The following ZZEF1 variants were observed in gnomAD, a reference collection of about 807,000 sequenced individuals.
ZZEF1 encodes zinc finger ZZ-type and EF-hand domain-containing protein 1.
A neutral mutation model predicts 342.8 loss-of-function variants in ZZEF1; 157 were observed. That is an observed-to-expected ratio of 0.46 (90% confidence interval 0.40 to 0.52). The LOEUF (loss-of-function observed/expected upper bound fraction) is 0.52, where lower values mean the gene tolerates loss of function less well. Among genes scored for constraint, ZZEF1 ranks in the 20% least tolerant of loss-of-function variants. ZZEF1 has a pLI of 0.00. For synonymous variants in ZZEF1, 1,505 were observed against 1,429.1 expected, an observed-to-expected ratio of 1.05 and a Z score of -1.20; for missense variants, 3,480 against 3,725.6, an observed-to-expected ratio of 0.93 and a Z score of 1.72.
intron 1 of ZZEF1, among the ~76,000 whole-genome samples, chr17:4,140,467 C>G (rs1480079363): frequency 6.6e-6 from 1 of 152,190 alleles, no homozygotes; most frequent in African/African-American, 2.4e-5. Context: ...TTAACACTCA[C>G]CATATCTTAT....
rs746628036 is a variant in ZZEF1 at position 4,014,166 on chromosome 17, G to T, written c.8337C>A (p.Phe2779Leu). The change falls in exon 51 of 55, where the codon TTC (phenylalanine) becomes TTA (leucine). Residue 2779 changes from phenylalanine to leucine, a missense_variant. Phe to Leu is a conservative substitution (Grantham distance 22). This residue lies in a region of ZZEF1 where 1,269 missense variants were observed against 1,342.4 expected (regional missense o/e 0.95). Transcript: ENST00000381638. This position sits in a 1 kb window ranked among gnomAD's most constrained non-coding sequence, Gnocchi z 4.4. Reference sequence around the variant, plus strand: ...ACTCGGTGTTGCTCATGTCGGAGGTGAAGCGGTAATACAGAGTGTCTCCTA... The same window carrying T: ...ACTCGGTGTTGCTCATGTCGGAGGTTAAGCGGTAATACAGAGTGTCTCCTA... ...ELPGDTLYYR[F>L]TSDMSNTEWG... 6.2e-7 allele frequency: 1 copy of T among 1,614,178 alleles called. No homozygotes were observed. Among genetic ancestry groups the T allele is most frequent in the Non-Finnish European group, 8.5e-7 (1 of 1,180,046 alleles).
rs953786830 is a variant in ZZEF1, at chr17:4,095,310, C to T, written c.1913+521G>A. On this transcript the variant is annotated intron_variant, in intron 11 of 54. Transcript: ENST00000381638. ...AGGGCCGCTCTGCCCTGTGTCCCCA[C>T]AGCGCCCTTTCTCCCCTACAGCACA... 3.3e-5 allele frequency among the ~76,000 whole-genome samples: 5 copies of T among 152,238 alleles called. No individual in the cohort carries two copies. The East Asian group carries it at 9.6e-4, about 29-fold the overall frequency.
intron 1 of ZZEF1, among the ~76,000 whole-genome samples, chr17:4,134,676 TA>T (rs1279501796): frequency 5.3e-5 from 8 of 152,092 alleles, no homozygotes; most frequent in Non-Finnish European, 1.0e-4. Flanking sequence ...ACAGAGAGGT[TA>T]TTTTTTTTAA....
In ZZEF1 at chr17:4,070,934, A is replaced by C; in HGVS notation, c.3835-10T>G. On this transcript the variant is annotated splice_polypyrimidine_tract_variant and intron_variant, in intron 25 of 54. Transcript: ENST00000381638. ...CAGGAATGTTCTTAACCTGGAAACAAAAAATAAACCCATCACATTTAACAC... is the reference window on the plus strand; with the variant it reads ...CAGGAATGTTCTTAACCTGGAAACACAAAATAAACCCATCACATTTAACAC... 10 of 1,607,494 alleles carry C rather than the reference A, an allele frequency of 6.2e-6. No individual in the cohort carries two copies. Among genetic ancestry groups the C allele is most frequent in the Non-Finnish European group, 8.5e-6 (10 of 1,177,498 alleles).
intron 5 of ZZEF1, 38 bp downstream of exon 5, chr17:4,112,571 C>T: frequency 6.2e-7 from 1 of 1,607,958 alleles, no homozygotes; most frequent in Non-Finnish European, 8.5e-7. Flanking sequence ...ATACTACTCC[C>T]TTGCTTTTCC....
At chr17:4,029,440 A>G (rs1387016362) in intron 42 of ZZEF1, among the ~76,000 whole-genome samples, 1 of 152,136 alleles carries the variant, frequency 6.6e-6, no homozygotes. Flanking sequence ...AAATGACAAT[A>G]TATCATAAAA....
intron 1 of ZZEF1, among the ~76,000 whole-genome samples, chr17:4,127,801 T>G (rs549509259): frequency 1.3e-5 from 2 of 152,282 alleles, no homozygotes; most frequent in African/African-American, 4.8e-5. Flanking sequence ...CCCCATAGCC[T>G]CATACCCTTC....
Position 4,064,713 on chromosome 17 carries a change from G to C in ZZEF1, c.4366C>G (p.Leu1456Val). Residue 1456 changes from leucine to valine, a missense_variant, in exon 29 of 55, where the codon CTC becomes GTC. Around this residue, in one of 5 missense-constraint regions of ZZEF1, gnomAD observed 1,528 missense variants for 1,624.1 expected, o/e 0.94. Coordinates refer to ENST00000381638, the MANE Select transcript of ZZEF1 (RefSeq NM_015113.4). ...TADETSHLQP[L>V]NKRQRTSSVV... ...GAGCTTGTCCTCTGACGCTTGTTGA[G>C]TGGCTGGAGATGACTGGTTTCATCA... The C allele has an allele frequency of 6.2e-7, 1 of 1,614,208 alleles. No individual in the cohort carries two copies. The highest frequency in any genetic ancestry group is 1.3e-5 in the African/African-American group (1 of 75,044).
chr17:4,128,073 C>T (rs555532206), intron 1 of ZZEF1, among the ~76,000 whole-genome samples: 12 of 152,170 alleles, frequency 7.9e-5, no homozygotes, highest in East Asian at 1.9e-4. Context: ...AGGCCAGATG[C>T]GGTGGCTCAC....
At chr17:4,048,188 G>A (rs557414986) in intron 37 of ZZEF1, among the ~76,000 whole-genome samples, 8 of 152,246 alleles carry the variant, frequency 5.3e-5, no homozygotes, top group East Asian at 1.9e-4. Context: ...ATCATAATCC[G>A]TGGGTGGTTA....
intron 1 of ZZEF1, among the ~76,000 whole-genome samples, chr17:4,137,428 G>T (rs375243921): frequency 6.6e-6 from 1 of 152,220 alleles, no homozygotes; most frequent in East Asian, 1.9e-4. Flanking sequence ...GGCTAACACG[G>T]TGAAACCCCG....
At chr17:4,093,474 C>T (rs542161175) in intron 11 of ZZEF1, among the ~76,000 whole-genome samples, 10 of 152,136 alleles carry the variant, frequency 6.6e-5, no homozygotes, top group Non-Finnish European at 1.0e-4. Flanking sequence ...AGAGGCTGAC[C>T]GAACCTTTGC....
intron 24 of ZZEF1, 77 bp downstream of exon 24, chr17:4,074,073 G>C (rs2057560793): frequency 2.0e-6 from 3 of 1,525,986 alleles, no homozygotes; most frequent in Non-Finnish European, 2.7e-6. Context: ...ACGTGGAAAC[G>C]ACCTACAAGA....
chr17:4,066,425 C>T (rs779883209), intron 28 of ZZEF1, 22 bp downstream of exon 28: 11 of 1,611,856 alleles, frequency 6.8e-6, no homozygotes, highest in Non-Finnish European at 9.3e-6. Flanking sequence ...TCAGGGACAA[C>T]AGCTGGTGTT....
At chr17:4,140,933 G>C (rs1453625295) in intron 1 of ZZEF1, among the ~76,000 whole-genome samples, 2 of 145,180 alleles carry the variant, frequency 1.4e-5, no homozygotes, top group Non-Finnish European at 3.0e-5. Flanking sequence ...TTTTGAGACA[G>C]AGTATCGCTC....
At chr17:4,102,467 A>G (rs893459029) in intron 8 of ZZEF1, 52 bp from the exon 9 acceptor site, 2 of 1,504,086 alleles carry the variant, frequency 1.3e-6, no homozygotes, top group Non-Finnish European at 1.8e-6. Flanking sequence ...GAAGAACTGG[A>G]AACTAGCATG....
chr17:4,006,458 A>G lies in ZZEF1; in HGVS notation c.*432T>C, dbSNP rs1464087235. On this transcript the variant is annotated 3_prime_UTR_variant, in exon 55 of 55. Transcript: ENST00000381638. ...AGAGGTGCTCCCAGGCTGGGCAGCC[A>G]CTGGGGGTCTTGCTGGAAAGGTGGA... 1 of 245,254 alleles carries G rather than the reference A, an allele frequency of 4.1e-6. No homozygotes were observed. Among genetic ancestry groups the G allele is most frequent in the African/African-American group, 2.3e-5 (1 of 42,902 alleles). 15.2% of individuals were successfully genotyped at this position (245,254 alleles called of 1,614,324 possible).
Position 4,082,461 on chromosome 17 carries a change from A to C in ZZEF1, c.2690T>G (p.Phe897Cys), listed in dbSNP as rs753940875. ...CCTAAAATACGTGCACAGTGAACGG[A>C]AAGTGAGCTGCAGGGACTGCTTGTG... is the stretch of plus-strand genomic sequence containing the variant. ...QEHKQSLQLT[F>C]RSLCTYFSDK... Residue 897 changes from phenylalanine to cysteine, a missense_variant, in exon 17 of 55, where the codon TTC becomes TGC. Transcript: ENST00000381638. 2 of 1,614,164 alleles carry C rather than the reference A, an allele frequency of 1.2e-6. No homozygotes were observed. The highest frequency in any genetic ancestry group is 2.2e-5 in the East Asian group (1 of 44,890).
intron 2 of ZZEF1, among the ~76,000 whole-genome samples, chr17:4,120,857 C>T (rs1459802007): frequency 6.6e-6 from 1 of 152,144 alleles, no homozygotes; most frequent in African/African-American, 2.4e-5. Context: ...ATTAATTTAG[C>T]CTTCAGTAAA....
Sources: allele counts gnomAD v4.1 joint callset (sites outside exome capture counted in the v4.1 genomes callset), GRCh38; gene constraint gnomAD v4.1.1; regional missense constraint gnomAD v4.1.1; non-coding constraint Gnocchi (gnomAD v3.1); transcripts MANE v1.5; gene names NCBI Gene and HGNC (gene_info 2026-07-23, HGNC 2026-07-21).